Variants in RNPEP observed in about 807,000 individuals in gnomAD.
RNPEP encodes the protein arginyl aminopeptidase.
Under a neutral mutation model 70.1 loss-of-function variants are expected in RNPEP, and 57 were observed. That is an observed-to-expected ratio of 0.81 (90% CI 0.66 to 1.01). The LOEUF is 1.01. Among genes scored for constraint, RNPEP ranks in the 50% least tolerant of loss-of-function variants. RNPEP has a pLI of 0.00. For synonymous variants in RNPEP, 335 were observed against 357.4 expected (o/e 0.94, Z 0.71); for missense variants, 787 against 852.4 (o/e 0.92, Z 0.96).
chr1:201,993,037 CAGA>C (rs1444403325), intron 3 of RNPEP, among the ~76,000 whole-genome samples: 2 of 152,170 alleles, frequency 1.3e-5, no homozygotes, highest in Admixed American at 6.5e-5. Flanking sequence ...CTCATTTAAG[CAGA>C]AGGTCTTGTC....
rs1273965953 is a variant in RNPEP, at chr1:201,984,843, T to C, written c.447+1730T>C. Among the ~76,000 whole-genome samples the C allele has an allele frequency of 1.8e-3, 250 of 140,624 alleles. 15 individuals are homozygous for C. In the East Asian group the frequency reaches 0.02, roughly 11 times the overall value. 92.3% of individuals were successfully genotyped at this position (140,624 alleles called of 152,430 possible). A position where few individuals can be genotyped will look rare whatever the true frequency, so the allele number is the denominator to read the frequency against. ...TTTCTTTTTTTTTTTTTTTTTTTTT[T>C]TTTTTTTTTTTTTTGAGAAGGGATC... is the stretch of plus-strand genomic sequence containing the variant. On this transcript the variant is annotated intron_variant, in intron 1 of 10. Transcript: ENST00000295640.
intron 1 of RNPEP, among the ~76,000 whole-genome samples, chr1:201,986,228 G>A (rs1683126132): frequency 6.6e-6 from 1 of 150,488 alleles, no homozygotes; most frequent in African/African-American, 2.4e-5. Context: ...ATGAGCCACT[G>A]CTCCCAGCCA....
rs1314580608 is a variant in RNPEP, at chr1:201,982,904, C to CT, written c.239dup (p.Asp81GlyfsTer108). On this transcript the variant is annotated frameshift_variant, in exon 1 of 11. Transcript: ENST00000295640. LOFTEE classifies it high-confidence loss of function. ...GCCCGAGGGCGCCGCCGAGCTGCGG[C>CT]TGGACTCGCACCCGTGCCTGGAGGT... 1 of 1,451,166 alleles carries CT rather than the reference C, an allele frequency of 6.9e-7. No individual in the cohort carries two copies. Among genetic ancestry groups the CT allele is most frequent in the African/African-American group, 1.5e-5 (1 of 66,742 alleles). The allele number at this position is 1,451,166 out of a possible 1,614,324, so 89.9% of individuals were successfully genotyped here. A position where few individuals can be genotyped will look rare whatever the true frequency, so the allele number is the denominator to read the frequency against.
At chr1:201,992,845 A>C (rs1229302304) in intron 3 of RNPEP, among the ~76,000 whole-genome samples, 4 of 152,238 alleles carry the variant, frequency 2.6e-5, no homozygotes, top group Admixed American at 2.0e-4. Context: ...TTGGAATTAA[A>C]GGAAAGTTGA....
intron 1 of RNPEP, among the ~76,000 whole-genome samples, chr1:201,984,828 T>C (rs12410745): frequency 0.15 from 716 of 4,762 alleles, 35 homozygotes; most frequent in Non-Finnish European, 0.15. Context: ...TTTCTTTTTT[T>C]TTTTTTTTTT....
chr1:202,004,266 G>T, intron 9 of RNPEP, 88 bp from the exon 10 acceptor site: 1 of 1,436,218 alleles, frequency 7.0e-7, no homozygotes, highest in South Asian at 1.2e-5. Context: ...GACCTCAAGT[G>T]ATCCGCCCAC....
chr1:201,989,141 C>T, intron 2 of RNPEP, 97 bp downstream of exon 2: 5 of 1,450,950 alleles, frequency 3.4e-6, no homozygotes, highest in East Asian at 4.6e-5. Flanking sequence ...TTATTATATC[C>T]ATTCAGTGGT....
chr1:202,001,875 C>G, intron 8 of RNPEP, 108 bp downstream of exon 8: 4 of 752,910 alleles, frequency 5.3e-6, no homozygotes, highest in Non-Finnish European at 6.8e-6. Context: ...TCAGAGTCAG[C>G]TAGGTAGGGG....
intron 5 of RNPEP, among the ~76,000 whole-genome samples, chr1:201,998,546 C>G (rs1683658125): frequency 1.3e-5 from 2 of 152,132 alleles, no homozygotes; most frequent in East Asian, 1.9e-4. Flanking sequence ...GCGCCCGGCC[C>G]TGAACGTTTT....
chr1:202,005,636 A>G lies in RNPEP; in HGVS notation c.1873A>G (p.Thr625Ala). 1 of 1,614,012 alleles carries G rather than the reference A, an allele frequency of 6.2e-7. No homozygotes were observed. The highest frequency in any genetic ancestry group is 8.5e-7 in the Non-Finnish European group (1 of 1,179,976). The change falls in exon 11 of 11, where the codon ACT becomes GCT. Residue 625 changes from threonine to alanine, a missense_variant. Thr to Ala is a moderately conservative substitution (Grantham distance 58). Coordinates refer to ENST00000295640, the MANE Select transcript of RNPEP (RefSeq NM_020216.4). ...GGTGGCCCAGACCCTCGCCAAGGAG[A>G]CTTTTGCATCCACCGCCTCCCAGCT... ...SEVAQTLAKE[T>A]FASTASQLHS... is the part of the protein sequence containing the mutation.
chr1:202,002,859 G>A (rs1172507497), intron 8 of RNPEP, among the ~76,000 whole-genome samples: 2 of 152,152 alleles, frequency 1.3e-5, no homozygotes, highest in Non-Finnish European at 2.9e-5. Flanking sequence ...CATGCCCGTG[G>A]CCTCCCAGCT....
intron 3 of RNPEP, among the ~76,000 whole-genome samples, chr1:201,993,815 C>T (rs535679748): frequency 4.7e-4 from 71 of 152,174 alleles, no homozygotes; most frequent in Non-Finnish European, 8.7e-4. Context: ...CCCTTAACTC[C>T]ATATTCTCTT....
chr1:201,990,800 G>A (rs538608872), intron 3 of RNPEP, among the ~76,000 whole-genome samples: 2 of 152,272 alleles, frequency 1.3e-5, no homozygotes, highest in Middle Eastern at 3.4e-3. Context: ...TAGGCAGGGC[G>A]GGAAATAACC....
intron 3 of RNPEP, among the ~76,000 whole-genome samples, chr1:201,994,484 G>A (rs751946547): frequency 5.9e-5 from 9 of 151,866 alleles, no homozygotes; most frequent in African/African-American, 1.5e-4. Context: ...CCAGACTCTC[G>A]GTGCTTCCTC....
chr1:201,985,239 A>G (rs1291468065), intron 1 of RNPEP, among the ~76,000 whole-genome samples: 1 of 151,792 alleles, frequency 6.6e-6, no homozygotes, highest in Admixed American at 6.6e-5. Flanking sequence ...CAGTAAAAAC[A>G]TCACTGACTG....
At chr1:201,997,253 G>T in intron 4 of RNPEP, 66 bp from the exon 5 acceptor site, 1 of 1,209,520 alleles carries the variant, frequency 8.3e-7, no homozygotes, top group Non-Finnish European at 1.2e-6. Context: ...AGGCTGGAAA[G>T]GGAGGCGAGG....
At chr1:202,000,858 C>T (rs965634568) in intron 6 of RNPEP, among the ~76,000 whole-genome samples, 13 of 148,664 alleles carry the variant, frequency 8.7e-5, no homozygotes, top group South Asian at 2.1e-4. Context: ...CGTGCCACTG[C>T]ACTCCAGCCT....
intron 8 of RNPEP, 57 bp downstream of exon 8, chr1:202,001,824 T>C: frequency 9.0e-7 from 1 of 1,116,248 alleles, no homozygotes; most frequent in Non-Finnish European, 1.4e-6. Context: ...TGAGATCTCA[T>C]TGACACTCGG....
At position 202,000,200 on chromosome 1, in the gene RNPEP, G is replaced by C. The variant is rs1022819379; in HGVS notation, c.1204+185G>C. 5.5e-6 allele frequency: 3 copies of C among 546,714 alleles called. No homozygotes were observed. In the African/African-American group the frequency reaches 5.7e-5, roughly 10 times the overall value. 33.9% of individuals were successfully genotyped at this position (546,714 alleles called of 1,614,324 possible). ...GACTGAACCCAAGCCATTGCAGCCA[G>C]ATAGGAGTTCTGTCCAGTCTGTGCG... On this transcript the variant is annotated intron_variant, in intron 6 of 10. Transcript: ENST00000295640.
Sources: allele counts gnomAD v4.1 joint callset (sites outside exome capture counted in the v4.1 genomes callset), GRCh38; gene constraint gnomAD v4.1.1; transcripts MANE v1.5; gene names NCBI Gene and HGNC (gene_info 2026-07-23, HGNC 2026-07-21).